Variants in MAGI1 observed in about 807,000 individuals in gnomAD.
MAGI1 encodes membrane-associated guanylate kinase, WW and PDZ domain-containing protein 1.
A neutral mutation model predicts 139.9 loss-of-function variants in MAGI1; 58 were observed. The ratio of observed to expected loss-of-function variants is 0.41; its 90% CI spans 0.34 to 0.52. MAGI1 has a LOEUF of 0.52. Ranked by LOEUF, MAGI1 falls within the 20% of genes least tolerant of loss-of-function variation. MAGI1 has a pLI of 0.12. For missense variants in MAGI1, 1,874 were observed against 1,901.6 expected (o/e 0.99, Z 0.27); for synonymous variants, 812 against 737.9 (o/e 1.10, Z -1.63).
chr3:65,566,317 C>T (rs1342630959), intron 2 of MAGI1, among the ~76,000 whole-genome samples: 1 of 152,074 alleles, frequency 6.6e-6, no homozygotes, highest in Non-Finnish European at 1.5e-5. Context: ...GCACATGTCA[C>T]TTATCTACAT....
chr3:65,977,874 G>T, intron 1 of MAGI1, among the ~76,000 whole-genome samples: 1 of 152,066 alleles, frequency 6.6e-6, no homozygotes, highest in Non-Finnish European at 1.5e-5. Flanking sequence ...TGTTGGCACT[G>T]CTCCCTCTGC....
intron 2 of MAGI1, among the ~76,000 whole-genome samples, chr3:65,501,475 A>AAAAAAAAT (rs1553654934): frequency 1.3e-5 from 2 of 150,262 alleles, no homozygotes; most frequent in African/African-American, 4.9e-5. Flanking sequence ...AAAAAAAAAA[A>AAAAAAAAT]TTTAAACATA....
intron 5 of MAGI1, among the ~76,000 whole-genome samples, chr3:65,464,316 A>G (rs1411435618): frequency 1.3e-5 from 2 of 151,888 alleles, no homozygotes; most frequent in African/African-American, 4.8e-5. Context: ...AGGTTCTTGC[A>G]CTGGGAGTTT....
At chr3:66,028,212 G>C (rs2068400217) in intron 1 of MAGI1, among the ~76,000 whole-genome samples, 1 of 152,020 alleles carries the variant, frequency 6.6e-6, no homozygotes, top group Non-Finnish European at 1.5e-5. Context: ...TGAGGTAGGA[G>C]GATCGCTTGA....
chr3:65,962,078 A>C (rs954179021), intron 1 of MAGI1, among the ~76,000 whole-genome samples: 21 of 151,728 alleles, frequency 1.4e-4, no homozygotes, highest in Non-Finnish European at 2.8e-4. Flanking sequence ...ATAAGAAGAA[A>C]GCATATTTGG....
chr3:65,929,416 C>A (rs548449342), intron 1 of MAGI1, among the ~76,000 whole-genome samples: 186 of 151,848 alleles, frequency 1.2e-3, no homozygotes, highest in Non-Finnish European at 1.9e-3. Flanking sequence ...TCTCAGCTTA[C>A]TGCAACCTCC....
At chr3:65,976,539 G>A (rs150895117) in intron 1 of MAGI1, among the ~76,000 whole-genome samples, 2,441 of 152,258 alleles carry the variant, frequency 0.016, 59 homozygotes, top group African/African-American at 0.052. Context: ...GCTGCAACAC[G>A]AGAATCACTT....
intron 1 of MAGI1, among the ~76,000 whole-genome samples, chr3:65,834,014 T>C (rs1040690171): frequency 1.3e-5 from 2 of 152,230 alleles, no homozygotes; most frequent in African/African-American, 4.8e-5. Context: ...CAGCACCTAC[T>C]TCCCTAGACA....
chr3:65,793,705 T>C (rs771733173), intron 1 of MAGI1, among the ~76,000 whole-genome samples: 2 of 152,076 alleles, frequency 1.3e-5, no homozygotes, highest in African/African-American at 2.4e-5. Context: ...TCTGCATCTG[T>C]CTGGGAGGAC....
At chr3:65,476,062 G>C (rs2177684) in intron 4 of MAGI1, among the ~76,000 whole-genome samples, 1 of 151,326 alleles carries the variant, frequency 6.6e-6, no homozygotes, top group Admixed American at 6.6e-5. Flanking sequence ...GTCACTTTAC[G>C]TGCAAACTGG....
intron 2 of MAGI1, among the ~76,000 whole-genome samples, chr3:65,618,291 G>T (rs989986822): frequency 1.3e-5 from 2 of 152,054 alleles, no homozygotes; most frequent in Admixed American, 1.3e-4. Flanking sequence ...AGAGAAGTAG[G>T]CATGTTTACA....
At chr3:65,828,136 T>C (rs548174263) in intron 1 of MAGI1, among the ~76,000 whole-genome samples, 104 of 152,206 alleles carry the variant, frequency 6.8e-4, no homozygotes, top group Non-Finnish European at 1.2e-3. Context: ...CAAATCAGCT[T>C]AAGGGAGGCT....
rs1238360124 is a variant in MAGI1 at position 65,379,330 on chromosome 3, C to T, written c.2926G>A (p.Gly976Arg). 3.7e-6 allele frequency: 6 copies of T among 1,613,376 alleles called. No individual in the cohort carries two copies. The highest frequency in any genetic ancestry group is 2.2e-5 in the East Asian group (1 of 44,842). Residue 976 changes from glycine to arginine, a missense_variant, in exon 17 of 23, where the codon GGG (glycine) becomes AGG (arginine). This residue lies in a region of MAGI1 where 482 missense variants were observed against 509.6 expected (regional missense o/e 0.95). Coordinates refer to ENST00000402939, the MANE Select transcript of MAGI1 (RefSeq NM_001033057.2). ...VQPYDVEIRR[G>R]ENEGFGFVIV... ...ACGAAGCCGAAGCCCTCGTTCTCCC[C>T]GCGCCGGATCTCCACGTCGTAGGGC...
chr3:65,900,503 A>G (rs1244902052), intron 1 of MAGI1, among the ~76,000 whole-genome samples: 1 of 152,242 alleles, frequency 6.6e-6, no homozygotes, highest in Admixed American at 6.5e-5. Flanking sequence ...ATCATAATAT[A>G]CTAGTACAGA....
rs907071889 is a variant in MAGI1, at chr3:65,493,586, T to C, written c.476A>G (p.Tyr159Cys). The change falls in exon 3 of 23, where the codon TAT becomes TGT. Residue 159 changes from tyrosine (Y) to cysteine (C), a missense_variant. Coordinates refer to ENST00000402939, the MANE Select transcript of MAGI1 (RefSeq NM_001033057.2). ...GAACTCCTTCACAGTCAGAAAGTTA[T>C]AGTCCACGCCAGGCACTTCTCCTTC... ...PREGEVPGVD[Y>C]NFLTVKEFLD... 2.5e-6 allele frequency: 4 copies of C among 1,614,184 alleles called. No homozygotes were observed. Among genetic ancestry groups the C allele is most frequent in the Non-Finnish European group, 1.7e-6 (2 of 1,180,036 alleles).
At chr3:65,924,097 C>T (rs1158680697) in intron 1 of MAGI1, among the ~76,000 whole-genome samples, 1 of 152,148 alleles carries the variant, frequency 6.6e-6, no homozygotes, top group African/African-American at 2.4e-5. Context: ...GAAGCTAAGA[C>T]CATCTGTAAA....
rs1195925314 is a variant in MAGI1, at chr3:65,356,834, G to A, written c.3933C>T (p.Arg1311=). ...PEGRRDAQAE[R]AAAANGPKRR... is the part of the protein sequence containing the mutation. ...TCTTGGGGCCGTTGGCGGCTGCCGC[G>A]CGCTCGGCCTGCGCGTCCCTCCGTC... The change falls in exon 23 of 23, where the codon CGC becomes CGT. Residue 1311 remains arginine (R), a synonymous_variant. Coordinates refer to ENST00000402939, the MANE Select transcript of MAGI1 (RefSeq NM_001033057.2). The A allele has an allele frequency of 1.2e-6, 2 of 1,612,296 alleles. No individual in the cohort carries two copies. The highest frequency in any genetic ancestry group is 1.1e-5 in the South Asian group (1 of 90,948).
intron 17 of MAGI1, among the ~76,000 whole-genome samples, chr3:65,378,885 T>C (rs912238896): frequency 6.6e-6 from 1 of 152,082 alleles, no homozygotes; most frequent in Non-Finnish European, 1.5e-5. Context: ...TTTCACCACG[T>C]TGGCCAGGTT....
chr3:65,530,719 A>T (rs2078634864), intron 2 of MAGI1, among the ~76,000 whole-genome samples: 1 of 138,932 alleles, frequency 7.2e-6, no homozygotes, highest in Non-Finnish European at 1.5e-5. Context: ...ACGTGTATAT[A>T]TATACACACG....
Sources: gnomAD v4.1 joint callset for allele counts (sites outside exome capture counted in the v4.1 genomes callset) on GRCh38, gnomAD v4.1.1 for gene constraint, gnomAD v4.1.1 regional missense constraint, MANE v1.5 for transcripts, NCBI Gene and HGNC (gene_info 2026-07-23, HGNC 2026-07-21) for gene names.